CDKAL1: variants seen among roughly 807,000 people sequenced by gnomAD.
The protein encoded by CDKAL1 is threonylcarbamoyladenosine tRNA methylthiotransferase.
A neutral mutation model predicts 68.2 loss-of-function variants in CDKAL1; 32 were observed. That is an observed-to-expected ratio of 0.47 (90% confidence interval 0.35 to 0.63). The LOEUF (loss-of-function observed/expected upper bound fraction) is 0.63, where lower values mean the gene tolerates loss of function less well. Among genes scored for constraint, CDKAL1 ranks in the 30% least tolerant of loss-of-function variants. The pLI is 0.00. For synonymous variants in CDKAL1, 234 were observed against 244.3 expected (o/e 0.96, Z 0.39); for missense variants, 606 against 696.7 (o/e 0.87, Z 1.47).
chr6:21,114,247 CAAAAAAAAAAA>C (rs55859447), intron 13 of CDKAL1, among the ~76,000 whole-genome samples: 1 of 101,724 alleles, frequency 9.8e-6, no homozygotes, highest in African/African-American at 3.5e-5. Flanking sequence ...GACTCTGTCT[CAAAAAAAAAAA>C]AAAAAAAAAG....
intron 12 of CDKAL1, among the ~76,000 whole-genome samples, chr6:21,081,457 T>C (rs888217846): frequency 6.6e-6 from 1 of 152,204 alleles, no homozygotes; most frequent in Non-Finnish European, 1.5e-5. Context: ...TGAACTTGAT[T>C]TATTAAAATT....
At chr6:20,961,890 C>T (rs1016677864) in intron 10 of CDKAL1, among the ~76,000 whole-genome samples, 4 of 151,904 alleles carry the variant, frequency 2.6e-5, no homozygotes, top group Admixed American at 6.5e-5. Context: ...CAAGCCTGCA[C>T]ATGTACCCCT....
chr6:21,229,315 A>C (rs1024130481), intron 15 of CDKAL1, among the ~76,000 whole-genome samples: 4 of 152,248 alleles, frequency 2.6e-5, no homozygotes, highest in African/African-American at 7.2e-5. Flanking sequence ...ATTCTACATC[A>C]AAAGTCTGTT....
intron 8 of CDKAL1, among the ~76,000 whole-genome samples, chr6:20,822,722 A>G (rs1476277582): frequency 6.6e-6 from 1 of 152,056 alleles, no homozygotes; most frequent in African/African-American, 2.4e-5. Flanking sequence ...ATGGTTTTAT[A>G]CAGAGCTCTT....
rs987892498 is a variant in CDKAL1 at position 20,863,029 on chromosome 6, T to TA, written c.742+16859dup. ...CAACAAGAGCAAAACTCCGTTTCAATAAAAAAAAGAAGAGGAAACACTGGA... is the reference window on the plus strand; with the variant it reads ...CAACAAGAGCAAAACTCCGTTTCAATAAAAAAAAAGAAGAGGAAACACTGGA... On this transcript the variant is annotated intron_variant, in intron 9 of 15. Coordinates refer to ENST00000274695, the MANE Select transcript of CDKAL1 (RefSeq NM_017774.3). 8.6e-5 allele frequency among the ~76,000 whole-genome samples: 13 copies of TA among 151,780 alleles called. No homozygotes were observed. In the South Asian group the frequency reaches 2.3e-3, roughly 27 times the overall value.
intron 6 of CDKAL1, among the ~76,000 whole-genome samples, chr6:20,741,518 A>G (rs956251093): frequency 6.6e-6 from 1 of 152,072 alleles, no homozygotes; most frequent in African/African-American, 2.4e-5. Context: ...CAATGTGTCC[A>G]TGTATTCTCA....
chr6:20,787,177 C>G (rs1341225235), intron 8 of CDKAL1, among the ~76,000 whole-genome samples: 4 of 152,116 alleles, frequency 2.6e-5, no homozygotes, highest in Non-Finnish European at 4.4e-5. Context: ...TATTTGCCAT[C>G]AGACAGACAT....
At chr6:20,701,290 T>A (rs190824110) in intron 5 of CDKAL1, among the ~76,000 whole-genome samples, 1 of 149,678 alleles carries the variant, frequency 6.7e-6, no homozygotes, top group Non-Finnish European at 1.5e-5. Context: ...TTGCCCAGTG[T>A]CTTGAAAATT....
chr6:21,079,478 GTCT>G (rs1268044393), intron 12 of CDKAL1, among the ~76,000 whole-genome samples: 4 of 152,064 alleles, frequency 2.6e-5, no homozygotes, highest in Non-Finnish European at 5.9e-5. Context: ...CTTTAGATAC[GTCT>G]TCTTCTTTTG....
chr6:20,794,206 G>A (rs1301111672), intron 8 of CDKAL1, among the ~76,000 whole-genome samples: 1 of 151,842 alleles, frequency 6.6e-6, no homozygotes, highest in Non-Finnish European at 1.5e-5. Context: ...TGACTTTTAT[G>A]TAAGAATCAT....
intron 10 of CDKAL1, among the ~76,000 whole-genome samples, chr6:20,958,866 G>A (rs1024478765): frequency 4.0e-5 from 6 of 151,798 alleles, no homozygotes; most frequent in Non-Finnish European, 7.4e-5. Context: ...CTGACTCTCA[G>A]ATTTTTTAAA....
intron 9 of CDKAL1, among the ~76,000 whole-genome samples, chr6:20,888,746 AC>A (rs1367833722): frequency 1.3e-5 from 2 of 152,060 alleles, no homozygotes; most frequent in Non-Finnish European, 2.9e-5. Flanking sequence ...TATATGTGCC[AC>A]CTTTTCTTAA....
At chr6:21,146,218 T>C (rs907295895) in intron 13 of CDKAL1, among the ~76,000 whole-genome samples, 6 of 152,206 alleles carry the variant, frequency 3.9e-5, no homozygotes, top group Admixed American at 2.0e-4. Flanking sequence ...ACACGTGCTT[T>C]CTGGGTCTTG....
intron 12 of CDKAL1, among the ~76,000 whole-genome samples, chr6:21,074,069 C>A (rs1354407986): frequency 6.6e-6 from 1 of 152,102 alleles, no homozygotes; most frequent in African/African-American, 2.4e-5. Context: ...TATTAATGTC[C>A]CAAAGCTTCT....
intron 5 of CDKAL1, among the ~76,000 whole-genome samples, chr6:20,694,343 C>T (rs887584881): frequency 1.3e-5 from 2 of 151,964 alleles, no homozygotes; most frequent in Non-Finnish European, 1.5e-5. Flanking sequence ...GTGCCTGGCC[C>T]CTGCCAGTTA....
At chr6:21,202,518 A>T (rs1463514995) in intron 15 of CDKAL1, among the ~76,000 whole-genome samples, 1 of 152,092 alleles carries the variant, frequency 6.6e-6, no homozygotes, top group Admixed American at 6.6e-5. Context: ...ACTTTGAAAA[A>T]TTTTTTAAGA....
chr6:20,844,005 G>A (rs72832379), intron 8 of CDKAL1, among the ~76,000 whole-genome samples: 11,736 of 152,158 alleles, frequency 0.077, 754 homozygotes, highest in East Asian at 0.33. Flanking sequence ...GAGAACCCTG[G>A]TCTTCCAGTG....
chr6:21,210,202 C>G (rs1779098712), intron 15 of CDKAL1, among the ~76,000 whole-genome samples: 2 of 152,210 alleles, frequency 1.3e-5, no homozygotes, highest in African/African-American at 4.8e-5. Flanking sequence ...AGATACCATC[C>G]TGCCCTCAAG....
At chr6:21,118,933 G>A (rs1002338523) in intron 13 of CDKAL1, among the ~76,000 whole-genome samples, 7 of 152,200 alleles carry the variant, frequency 4.6e-5, no homozygotes, top group African/African-American at 7.2e-5. Context: ...CAGAAATCTC[G>A]AATTCAGTTT....
Sources: allele counts gnomAD v4.1 joint callset (sites outside exome capture counted in the v4.1 genomes callset), GRCh38; gene constraint gnomAD v4.1.1; transcripts MANE v1.5; gene names NCBI Gene and HGNC (gene_info 2026-07-23, HGNC 2026-07-21).